Variants in HS6ST3 observed in about 807,000 individuals in gnomAD.
HS6ST3 encodes the protein heparan-sulfate 6-O-sulfotransferase 3.
In HS6ST3, 12 loss-of-function variants were observed where a neutral mutation model predicts 36.7. The ratio of observed to expected loss-of-function variants is 0.33; its 90% CI spans 0.21 to 0.53. The LOEUF is 0.53. Among genes scored for constraint, HS6ST3 ranks in the 20% least tolerant of loss-of-function variants. The probability of loss-of-function intolerance (pLI) is 0.95; values close to 1 mark genes in which losing one functional copy is unlikely to be tolerated. For missense variants in HS6ST3, 584 were observed against 640.9 expected (o/e 0.91, Z 0.96); for synonymous variants, 240 against 257.5 (o/e 0.93, Z 0.65).
intron 1 of HS6ST3, among the ~76,000 whole-genome samples, chr13:96,483,648 C>T (rs549966245): frequency 3.9e-5 from 6 of 152,268 alleles, no homozygotes; most frequent in Non-Finnish European, 8.8e-5. Flanking sequence ...CATTACTTAT[C>T]ACATTATATT....
At chr13:96,118,850 A>G (rs1487211668) in intron 1 of HS6ST3, among the ~76,000 whole-genome samples, 6 of 147,518 alleles carry the variant, frequency 4.1e-5, no homozygotes, top group Non-Finnish European at 7.5e-5. Context: ...AGCTGGGACT[A>G]CAGGCGCCCG....
chr13:96,155,218 A>T (rs1266374133), intron 1 of HS6ST3, among the ~76,000 whole-genome samples: 1 of 152,148 alleles, frequency 6.6e-6, no homozygotes, highest in Non-Finnish European at 1.5e-5. Flanking sequence ...TATGGAAAAA[A>T]CCTTAAAAGC....
intron 1 of HS6ST3, among the ~76,000 whole-genome samples, chr13:96,345,020 G>A (rs1205022566): frequency 1.3e-5 from 2 of 152,162 alleles, no homozygotes; most frequent in Non-Finnish European, 2.9e-5. Flanking sequence ...ATTATCTTCA[G>A]GTTTCATATG....
At chr13:96,597,009 A>G (rs1458931134) in intron 1 of HS6ST3, among the ~76,000 whole-genome samples, 2 of 152,146 alleles carry the variant, frequency 1.3e-5, no homozygotes, top group Non-Finnish European at 2.9e-5. Flanking sequence ...GCCATAAAAA[A>G]CAAACAAAGT....
intron 1 of HS6ST3, among the ~76,000 whole-genome samples, chr13:96,100,981 A>G (rs909424411): frequency 6.6e-6 from 1 of 152,230 alleles, no homozygotes; most frequent in Non-Finnish European, 1.5e-5. Flanking sequence ...CTCCACCTAA[A>G]GAATGATGAG....
At chr13:96,419,313 T>G (rs2055550554) in intron 1 of HS6ST3, among the ~76,000 whole-genome samples, 1 of 152,198 alleles carries the variant, frequency 6.6e-6, no homozygotes, top group Non-Finnish European at 1.5e-5. Flanking sequence ...ATACTGAAGC[T>G]GCATAAAAGT....
chr13:96,710,054 T>C (rs996269070), intron 1 of HS6ST3, among the ~76,000 whole-genome samples: 2 of 152,198 alleles, frequency 1.3e-5, no homozygotes, highest in African/African-American at 4.8e-5. Flanking sequence ...CTCAGTCACC[T>C]GGGGAGGAAA....
At chr13:96,217,139 TC>T (rs2054430627) in intron 1 of HS6ST3, among the ~76,000 whole-genome samples, 1 of 152,180 alleles carries the variant, frequency 6.6e-6, no homozygotes, top group South Asian at 2.1e-4. Context: ...GACGGAAGTT[TC>T]CCAGGGGTCC....
At chr13:96,429,564 A>G (rs386042) in intron 1 of HS6ST3, among the ~76,000 whole-genome samples, 28,726 of 152,126 alleles carry the variant, frequency 0.19, 4,445 homozygotes, top group African/African-American at 0.4. Context: ...TTCCCTGTAT[A>G]AGTTCATTCC....
chr13:96,159,015 G>A (rs1357860586), intron 1 of HS6ST3, among the ~76,000 whole-genome samples: 1 of 152,180 alleles, frequency 6.6e-6, no homozygotes, highest in Non-Finnish European at 1.5e-5. Context: ...TAAGGAAGGG[G>A]TTGTGTGTAT....
chr13:96,709,990 G>A (rs181857158), intron 1 of HS6ST3, among the ~76,000 whole-genome samples: 11 of 152,284 alleles, frequency 7.2e-5, no homozygotes, highest in Admixed American at 3.3e-4. Context: ...TGGCAGAGCC[G>A]TATTTGAATC....
At chr13:96,565,002 C>T (rs1466971364) in intron 1 of HS6ST3, among the ~76,000 whole-genome samples, 2 of 152,112 alleles carry the variant, frequency 1.3e-5, no homozygotes, top group Non-Finnish European at 2.9e-5. Context: ...GACATTACAG[C>T]TGCAGCTACA....
chr13:96,277,719 C>T (rs4773948), intron 1 of HS6ST3, among the ~76,000 whole-genome samples: 84,200 of 151,828 alleles, frequency 0.55, 24,129 homozygotes, highest in African/African-American at 0.7. Flanking sequence ...CTACAATTAC[C>T]GCTATGAAAA....
rs192291640 is a variant in HS6ST3 at position 96,153,391 on chromosome 13, C to T, written c.707+61822C>T. On this transcript the variant is annotated intron_variant, in intron 1 of 1. Coordinates refer to ENST00000376705, the MANE Select transcript of HS6ST3 (RefSeq NM_153456.4). ...AATCTGTGCAATGCGGGGGTATTTC[C>T]GGGGGAAGAATTCTGCAGCTGCTGT... Among the ~76,000 whole-genome samples, 10 of 152,168 alleles carry T rather than the reference C, an allele frequency of 6.6e-5. No individual in the cohort carries two copies. In the East Asian group the frequency reaches 1.2e-3, roughly 18 times the overall value.
chr13:96,804,123 A>C (rs527826921), intron 1 of HS6ST3, among the ~76,000 whole-genome samples: 2 of 150,940 alleles, frequency 1.3e-5, no homozygotes, highest in Non-Finnish European at 2.9e-5. Context: ...AGCATTCTAC[A>C]TGGGGTTTTC....
intron 1 of HS6ST3, among the ~76,000 whole-genome samples, chr13:96,568,578 C>G (rs1034806107): frequency 6.6e-6 from 1 of 152,144 alleles, no homozygotes; most frequent in Non-Finnish European, 1.5e-5. Context: ...TCTTTACATT[C>G]AAGTGTCTAT....
At chr13:96,680,005 G>A (rs1319856499) in intron 1 of HS6ST3, among the ~76,000 whole-genome samples, 1 of 152,096 alleles carries the variant, frequency 6.6e-6, no homozygotes, top group Non-Finnish European at 1.5e-5. Context: ...GAAGGCAAAG[G>A]GGGGAAGTGG....
chr13:96,756,134 G>C (rs184358848), intron 1 of HS6ST3, among the ~76,000 whole-genome samples: 1 of 152,048 alleles, frequency 6.6e-6, no homozygotes, highest in African/African-American at 2.4e-5. Flanking sequence ...CTTCTTGGCC[G>C]ATTGAGTATC....
chr13:96,726,763 C>CT (rs199778718), intron 1 of HS6ST3, among the ~76,000 whole-genome samples: 6 of 151,548 alleles, frequency 4.0e-5, no homozygotes, highest in Non-Finnish European at 5.9e-5. Flanking sequence ...GTTGTAGCCA[C>CT]TTTTTTTTTC....
Sources: allele counts gnomAD v4.1 joint callset (sites outside exome capture counted in the v4.1 genomes callset), GRCh38; gene constraint gnomAD v4.1.1; transcripts MANE v1.5; gene names NCBI Gene and HGNC (gene_info 2026-07-23, HGNC 2026-07-21).